GPC6: variants seen among roughly 807,000 people sequenced by gnomAD.
The protein encoded by GPC6 is glypican-6.
In GPC6, 14 loss-of-function variants were observed where a neutral mutation model predicts 55.2. The observed-to-expected ratio is 0.25, with a 90% CI of 0.17 to 0.40. GPC6 has a LOEUF of 0.40. GPC6 is among the 10% of genes least tolerant of loss of function. The pLI is 1.00. For synonymous variants in GPC6, 278 were observed against 259.6 expected (o/e 1.07, Z -0.68); for missense variants, 641 against 708.5 (o/e 0.90, Z 1.08).
chr13:93,676,127 ATATATATATATATATATATATATATATAT>A lies in GPC6; in HGVS notation c.319+130707_319+130735del, dbSNP rs1291430131. Reference sequence around the variant, plus strand: ...CTACTAAAAAAAAAAAAAAAAAAAAATATATATATATATATATATATATATATATATATATATATATACATACACACACA... The same window carrying A: ...CTACTAAAAAAAAAAAAAAAAAAAAAATATATATATATACATACACACACA... On this transcript the variant is annotated intron_variant, in intron 2 of 8. Coordinates refer to ENST00000377047, the MANE Select transcript of GPC6 (RefSeq NM_005708.5). 1.0e-3 allele frequency among the ~76,000 whole-genome samples: 11 copies of A among 10,674 alleles called. No individual in the cohort carries two copies. In the East Asian group the frequency reaches 0.032, roughly 31 times the overall value. 7.0% of individuals were successfully genotyped at this position (10,674 alleles called of 152,430 possible).
At chr13:93,538,005 A>G (rs1241466745) in intron 1 of GPC6, among the ~76,000 whole-genome samples, 1 of 152,192 alleles carries the variant, frequency 6.6e-6, no homozygotes, top group Non-Finnish European at 1.5e-5. Context: ...ATACTGAGTG[A>G]AGGAAGAGCA....
intron 1 of GPC6, among the ~76,000 whole-genome samples, chr13:93,396,881 G>T (rs1218952643): frequency 6.6e-6 from 1 of 151,892 alleles, no homozygotes; most frequent in African/African-American, 2.4e-5. Context: ...TTATGCACAT[G>T]CTTTTAAAAA....
At chr13:93,330,614 C>G (rs1433856764) in intron 1 of GPC6, among the ~76,000 whole-genome samples, 1 of 152,132 alleles carries the variant, frequency 6.6e-6, no homozygotes, top group East Asian at 1.9e-4. Context: ...ATCATGAAGA[C>G]ATACTTGGTC....
chr13:93,255,026 G>A lies in GPC6; in HGVS notation c.160+27410G>A, dbSNP rs111956012. Among the ~76,000 whole-genome samples, 933 of 152,298 alleles carry A rather than the reference G, an allele frequency of 6.1e-3. 7 individuals are homozygous for A. The highest frequency in any genetic ancestry group is 0.021 in the African/African-American group (891 of 41,556). On this transcript the variant is annotated intron_variant, in intron 1 of 8. Transcript: ENST00000377047. Reference sequence around the variant, plus strand: ...TGTTTCCAATCCGCTGCTCTTACAGGAGCCTGTGCCTCGCCAGTTCTGTGC... The same window carrying A: ...TGTTTCCAATCCGCTGCTCTTACAGAAGCCTGTGCCTCGCCAGTTCTGTGC...
intron 4 of GPC6, among the ~76,000 whole-genome samples, chr13:94,258,960 T>A (rs1296773153): frequency 2.0e-5 from 3 of 152,006 alleles, no homozygotes; most frequent in Non-Finnish European, 2.9e-5. Flanking sequence ...TAGAAGCCCC[T>A]ACCACACTGG....
chr13:93,986,013 A>G (rs1421837017), intron 3 of GPC6, among the ~76,000 whole-genome samples: 49 of 152,074 alleles, frequency 3.2e-4, no homozygotes, highest in Non-Finnish European at 2.9e-5. Context: ...TTGATGAATA[A>G]TAATAATATT....
chr13:93,548,852 CTTT>C (rs1443482053), intron 2 of GPC6, among the ~76,000 whole-genome samples: 1 of 151,986 alleles, frequency 6.6e-6, no homozygotes, highest in Non-Finnish European at 1.5e-5. Context: ...AGCTGTATAT[CTTT>C]TTTAAGTTTT....
intron 3 of GPC6, among the ~76,000 whole-genome samples, chr13:94,005,885 T>C (rs1881998515): frequency 6.6e-6 from 1 of 152,214 alleles, no homozygotes; most frequent in South Asian, 2.1e-4. Flanking sequence ...AGTGTCTAAA[T>C]TAGATCAGTT....
intron 3 of GPC6, among the ~76,000 whole-genome samples, chr13:94,014,625 T>C (rs1448585670): frequency 6.6e-6 from 1 of 152,140 alleles, no homozygotes; most frequent in Non-Finnish European, 1.5e-5. Context: ...TTATGGAACA[T>C]TTTTGTCACA....
At chr13:94,111,383 G>A (rs1886240022) in intron 4 of GPC6, among the ~76,000 whole-genome samples, 1 of 151,536 alleles carries the variant, frequency 6.6e-6, no homozygotes, top group South Asian at 2.1e-4. Flanking sequence ...TAGATGATGG[G>A]CTGACACGTG....
Position 94,212,405 on chromosome 13 carries a change from A to G in GPC6, c.878-73944A>G, listed in dbSNP as rs571218870. Reference sequence around the variant, plus strand: ...ATTTCTCTGAAGCTCATTAGTTTCCAGGGTAACATCTGTATTACATACCAC... The same window carrying G: ...ATTTCTCTGAAGCTCATTAGTTTCCGGGGTAACATCTGTATTACATACCAC... On this transcript the variant is annotated intron_variant, in intron 4 of 8. Coordinates refer to ENST00000377047, the MANE Select transcript of GPC6 (RefSeq NM_005708.5). 5.3e-5 allele frequency among the ~76,000 whole-genome samples: 8 copies of G among 152,214 alleles called. 1 individual carries two copies. Among genetic ancestry groups the G allele is most frequent in the Non-Finnish European group, 5.9e-5 (4 of 68,034 alleles).
At chr13:94,394,165 TC>T (rs1880794808) in intron 7 of GPC6, among the ~76,000 whole-genome samples, 1 of 152,188 alleles carries the variant, frequency 6.6e-6, no homozygotes, top group African/African-American at 2.4e-5. Context: ...GAAAAATAAT[TC>T]TGTAAAACTG....
chr13:94,207,374 C>T (rs1251033374), intron 4 of GPC6, among the ~76,000 whole-genome samples: 1 of 152,216 alleles, frequency 6.6e-6, no homozygotes, highest in Non-Finnish European at 1.5e-5. Flanking sequence ...GATCTTCCCA[C>T]TAGCCCTCTG....
At chr13:93,379,264 A>G (rs1463121625) in intron 1 of GPC6, among the ~76,000 whole-genome samples, 19 of 152,130 alleles carry the variant, frequency 1.2e-4, no homozygotes, top group Admixed American at 1.2e-3. Flanking sequence ...ATTATTGTCT[A>G]TAATATCAGA....
At chr13:93,880,930 C>T (rs1874928995) in intron 3 of GPC6, among the ~76,000 whole-genome samples, 1 of 150,482 alleles carries the variant, frequency 6.6e-6, no homozygotes, top group African/African-American at 2.4e-5. Flanking sequence ...ATTCTTCAAC[C>T]ATAAAAAGGA....
intron 4 of GPC6, among the ~76,000 whole-genome samples, chr13:94,202,636 G>C (rs1483573953): frequency 6.6e-6 from 1 of 152,212 alleles, no homozygotes; most frequent in Non-Finnish European, 1.5e-5. Context: ...ATTGGGTGGA[G>C]ACACAGCTGA....
At chr13:94,165,036 C>T (rs1208620173) in intron 4 of GPC6, among the ~76,000 whole-genome samples, 1 of 151,732 alleles carries the variant, frequency 6.6e-6, no homozygotes, top group Non-Finnish European at 1.5e-5. Flanking sequence ...TCCAGCATCC[C>T]CACTCCTGGG....
chr13:93,312,044 G>T (rs1335449581), intron 1 of GPC6, among the ~76,000 whole-genome samples: 7 of 152,128 alleles, frequency 4.6e-5, no homozygotes, highest in Non-Finnish European at 8.8e-5. Context: ...CATTAGGAAA[G>T]TTACTTTGGC....
intron 1 of GPC6, among the ~76,000 whole-genome samples, chr13:93,420,107 A>G (rs910805258): frequency 1.3e-5 from 2 of 152,182 alleles, no homozygotes; most frequent in Non-Finnish European, 2.9e-5. Flanking sequence ...TTACAGAGCT[A>G]AAAAGTAACA....
Sources: gnomAD v4.1 joint callset for allele counts (sites outside exome capture counted in the v4.1 genomes callset) on GRCh38, gnomAD v4.1.1 for gene constraint, MANE v1.5 for transcripts, NCBI Gene and HGNC (gene_info 2026-07-23, HGNC 2026-07-21) for gene names.